Variants in SNAPC4 observed in about 807,000 individuals in gnomAD.
SNAPC4 encodes snRNA-activating protein complex subunit 4.
In SNAPC4, 127 loss-of-function variants were observed where a neutral mutation model predicts 151.3. The ratio of observed to expected loss-of-function variants is 0.84; its 90% CI spans 0.73 to 0.97. SNAPC4 has a LOEUF of 0.97. Ranked by LOEUF, SNAPC4 falls within the 50% of genes least tolerant of loss-of-function variation. The pLI, the probability that SNAPC4 is intolerant of heterozygous loss-of-function variation, is 0.00. For missense variants in SNAPC4, 2,186 were observed against 1,935.0 expected (o/e 1.13, Z -2.43); for synonymous variants, 1,002 against 824.4 (o/e 1.22, Z -3.69).
chr9:136,379,317 C>A lies in SNAPC4; in HGVS notation c.2528-18G>T, dbSNP rs757692945. The A allele has an allele frequency of 6.2e-7, 1 of 1,611,926 alleles. No individual in the cohort carries two copies. Among genetic ancestry groups the A allele is most frequent in the Non-Finnish European group, 8.5e-7 (1 of 1,179,682 alleles). On this transcript the variant is annotated intron_variant, in intron 21 of 23. Coordinates refer to ENST00000684778, the MANE Select transcript of SNAPC4 (RefSeq NM_003086.4). ...GAGGTGGCCTGTGGGGAGGAAAGAC[C>A]CACACTTGATAAGCCCCAGGCATCT... is the stretch of plus-strand genomic sequence containing the variant.
chr9:136,388,423 G>A (rs770659625), intron 11 of SNAPC4, 21 bp downstream of exon 11: 5 of 1,607,810 alleles, frequency 3.1e-6, no homozygotes, highest in African/African-American at 2.7e-5. Flanking sequence ...CCTGAGAGCC[G>A]TCGGGGTGGA....
chr9:136,378,353 G>A lies in SNAPC4; in HGVS notation c.3474C>T (p.His1158=), dbSNP rs140262570. The change falls in exon 22 of 24, where the codon CAC becomes CAT. Residue 1158 remains histidine (H), a synonymous_variant. Transcript: ENST00000684778. ...CRTDTPAPPT[H]ALSQSPAEAD... is the part of the protein sequence containing the mutation. ...CTTCTGCAGGACTTTGGGAGAGGGCGTGTGTGGGAGGAGCTGGGGTGTCTG... is the reference window on the plus strand; with the variant it reads ...CTTCTGCAGGACTTTGGGAGAGGGCATGTGTGGGAGGAGCTGGGGTGTCTG... The A allele has an allele frequency of 1.4e-3, 2,297 of 1,609,842 alleles. 6 individuals carry two copies. The highest frequency in any genetic ancestry group is 1.7e-3 in the Non-Finnish European group (1,950 of 1,178,832).
chr9:136,377,865 T>A lies in SNAPC4; in HGVS notation c.3962A>T (p.Lys1321Met). ...LRALSGLLLHKKALEHKATSL... is the reference protein window; with the variant it reads ...LRALSGLLLHMKALEHKATSL... ...GGTGGCCTTGTGCTCCAGGGCCTTC[T>A]TGTGGAGTAGGAGACCGGACAGAGC... Residue 1321 changes from lysine (K) to methionine (M), a missense_variant, in exon 22 of 24, where the codon AAG becomes ATG. Coordinates refer to ENST00000684778, the MANE Select transcript of SNAPC4 (RefSeq NM_003086.4). The A allele has an allele frequency of 1.2e-6, 2 of 1,611,520 alleles. No homozygotes were observed. Among genetic ancestry groups the A allele is most frequent in the East Asian group, 4.5e-5 (2 of 44,872 alleles).
Position 136,395,662 on chromosome 9 carries a change from C to T in SNAPC4, c.286G>A (p.Val96Ile), listed in dbSNP as rs1383928584. ...CLQLNMVYQE[V>I]IQEKLAEANL... ...GCCTCAGCCAGCTTCTCCTGGATGA[C>T]CTCCTGGTAGACCATGTTCAGCTGC... The change falls in exon 4 of 24, where the codon GTC becomes ATC. Residue 96 changes from valine to isoleucine, a missense_variant. Physicochemically the swap from Val to Ile is conservative, Grantham distance 29. Transcript: ENST00000684778. 6.2e-7 allele frequency: 1 copy of T among 1,613,122 alleles called. No individual in the cohort carries two copies. Among genetic ancestry groups the T allele is most frequent in the Non-Finnish European group, 8.5e-7 (1 of 1,179,994 alleles).
chr9:136,391,285 A>G (rs1012832683), intron 10 of SNAPC4, among the ~76,000 whole-genome samples: 4 of 152,216 alleles, frequency 2.6e-5, no homozygotes, highest in African/African-American at 9.7e-5. Flanking sequence ...AGTAAAATAT[A>G]TTTGAAAAAT....
chr9:136,382,067 GCT>G lies in SNAPC4; in HGVS notation c.2072_2073del (p.Glu691AlafsTer18). 2 of 1,585,736 alleles carry G rather than the reference GCT, an allele frequency of 1.3e-6. No homozygotes were observed. The highest frequency in any genetic ancestry group is 1.7e-6 in the Non-Finnish European group (2 of 1,166,222). ...GTGGGCAGGGGTGGCTGCCTCAGCT[GCT>G]CTTTCTGTAAGGAGAAGGCAGCACC... is the stretch of plus-strand genomic sequence containing the variant. ...NTAARSCTQK[E>X]QLRQPPLPTS... On this transcript the variant is annotated frameshift_variant, in exon 18 of 24. Coordinates refer to ENST00000684778, the MANE Select transcript of SNAPC4 (RefSeq NM_003086.4). LOFTEE classifies it high-confidence loss of function.
At chr9:136,379,699 C>T in intron 21 of SNAPC4, 138 bp downstream of exon 21, 2 of 821,450 alleles carry the variant, frequency 2.4e-6, no homozygotes, top group Non-Finnish European at 4.0e-6. Context: ...TGTGGTGGGA[C>T]TCGAGGGAGC....
chr9:136,384,151 C>A, intron 14 of SNAPC4, 119 bp from the exon 15 acceptor site: 2 of 734,446 alleles, frequency 2.7e-6, no homozygotes, highest in South Asian at 3.7e-5. Context: ...TGTGCACTCT[C>A]ACGCTGGGGG....
At chr9:136,388,719 C>G in intron 10 of SNAPC4, 128 bp from the exon 11 acceptor site, 1 of 1,031,478 alleles carries the variant, frequency 9.7e-7, no homozygotes, top group Non-Finnish European at 1.4e-6. Flanking sequence ...GACCCCAGCT[C>G]TCCTCCTCCC....
chr9:136,379,216 C>A lies in SNAPC4; in HGVS notation c.2611G>T (p.Val871Leu), dbSNP rs201158274. 1.9e-6 allele frequency: 3 copies of A among 1,611,728 alleles called. No homozygotes were observed. The highest frequency in any genetic ancestry group is 2.5e-6 in the Non-Finnish European group (3 of 1,179,640). The change falls in exon 22 of 24, where the codon GTG becomes TTG. Residue 871 changes from valine (V) to leucine (L), a missense_variant. Transcript: ENST00000684778. ...GACGCCTGGGGTAGGGTGCGCTCCA[C>A]CCGGCTGGACGCCAGTCTTCGGCTC... Reference protein sequence around the residue: ...KGSRRLASSRVERTLPQASLL... With the variant: ...KGSRRLASSRLERTLPQASLL...
intron 6 of SNAPC4, 67 bp downstream of exon 6, chr9:136,394,733 G>C: frequency 7.1e-7 from 1 of 1,402,484 alleles, no homozygotes; most frequent in Non-Finnish European, 1.0e-6. Context: ...GGAGAAACTG[G>C]GGAAAGGAGG....
At position 136,379,020 on chromosome 9, in the gene SNAPC4, G is replaced by T; in HGVS notation, c.2807C>A (p.Thr936Asn). The T allele has an allele frequency of 6.2e-7, 1 of 1,603,602 alleles. No individual in the cohort carries two copies. Among genetic ancestry groups the T allele is most frequent in the Non-Finnish European group, 8.5e-7 (1 of 1,176,076 alleles). The change falls in exon 22 of 24, where the codon ACC (threonine) becomes AAC (asparagine). Residue 936 changes from threonine to asparagine, a missense_variant. Transcript: ENST00000684778. ...SVILQPPLPH[T>N]PHGRPAPGPT... ...ACCCGGGGCTGGGCGGCCGTGTGGG[G>T]TGTGTGGTAGAGGGGGCTGGAGGAT...
chr9:136,396,280 G>A (rs1176239851), intron 3 of SNAPC4, among the ~76,000 whole-genome samples: 1 of 152,254 alleles, frequency 6.6e-6, no homozygotes, highest in Non-Finnish European at 1.5e-5. Context: ...ACGCAAACAT[G>A]AGGAAACTCA....
Position 136,383,137 on chromosome 9 carries a change from C to T in SNAPC4, c.1983+49G>A, listed in dbSNP as rs756069483. 32 of 1,506,510 alleles carry T rather than the reference C, an allele frequency of 2.1e-5. No homozygotes were observed. Among genetic ancestry groups the T allele is most frequent in the African/African-American group, 2.8e-5 (2 of 71,456 alleles). The allele number at this position is 1,506,510 out of a possible 1,614,324, so 93.3% of individuals were successfully genotyped here. A position where few individuals can be genotyped will look rare whatever the true frequency, so the allele number is the denominator to read the frequency against. Reference sequence around the variant, plus strand: ...ATCCCCAAGCGTCAGCCCTGGCGAGCGAGTGCCGAAAGTGCACTTCCCGTG... The same window carrying T: ...ATCCCCAAGCGTCAGCCCTGGCGAGTGAGTGCCGAAAGTGCACTTCCCGTG... On this transcript the variant is annotated intron_variant, in intron 16 of 23. Coordinates refer to ENST00000684778, the MANE Select transcript of SNAPC4 (RefSeq NM_003086.4). This position sits in a 1 kb window ranked among gnomAD's most constrained non-coding sequence, Gnocchi z 4.2.
rs925620148 is a variant in SNAPC4, at chr9:136,378,797, G to T, written c.3030C>A (p.Gly1010=). The T allele has an allele frequency of 1.3e-6, 2 of 1,573,786 alleles. No homozygotes were observed. The highest frequency in any genetic ancestry group is 1.3e-5 in the African/African-American group (1 of 74,076). Residue 1010 remains glycine, a synonymous_variant, in exon 22 of 24, where the codon GGC becomes GGA. Coordinates refer to ENST00000684778, the MANE Select transcript of SNAPC4 (RefSeq NM_003086.4). ...APAASQAPAL[G]PGQISVSCPE... ...GGCAGCTCACAGAGATCTGGCCGGG[G>T]CCCAGGGCAGGGGCTTGGGAAGCAG...
Position 136,378,680 on chromosome 9 carries a change from G to C in SNAPC4, c.3147C>G (p.Ser1049Arg), listed in dbSNP as rs1833566012. The C allele has an allele frequency of 3.3e-6, 5 of 1,500,082 alleles. No homozygotes were observed. In the East Asian group the frequency reaches 1.2e-4, roughly 36 times the overall value. The allele number at this position is 1,500,082 out of a possible 1,614,324, so 92.9% of individuals were successfully genotyped here. A position where few individuals can be genotyped will look rare whatever the true frequency, so the allele number is the denominator to read the frequency against. ...EAPPFLPAAP[S>R]PTPLPVQPLS... The stretch of plus-strand genomic sequence containing the variant: ...GGGGCTGGACGGGCAGTGGGGTGGG[G>C]CTGGGGGCTGCGGGGAGAAAGGGTG... The change falls in exon 22 of 24, where the codon AGC becomes AGG. Residue 1049 changes from serine (S) to arginine (R), a missense_variant. Coordinates refer to ENST00000684778, the MANE Select transcript of SNAPC4 (RefSeq NM_003086.4).
intron 11 of SNAPC4, among the ~76,000 whole-genome samples, chr9:136,388,191 C>T (rs1209817229): frequency 1.3e-5 from 2 of 149,522 alleles, no homozygotes; most frequent in Non-Finnish European, 3.0e-5. Context: ...CGCTTGAACC[C>T]GGGAGGCAGA....
At chr9:136,390,554 G>GAA (rs58732608) in intron 10 of SNAPC4, among the ~76,000 whole-genome samples, 914 of 48,420 alleles carry the variant, frequency 0.019, 25 homozygotes, top group East Asian at 0.04. Context: ...GACTCTGTTT[G>GAA]AAAAAAAAAA....
rs778317045 is a variant in SNAPC4 at position 136,379,263 on chromosome 9, G to A, written c.2564C>T (p.Ser855Leu). 5 of 1,612,626 alleles carry A rather than the reference G, an allele frequency of 3.1e-6. No individual in the cohort carries two copies. The Admixed American group carries it at 8.3e-5, about 27-fold the overall frequency. Residue 855 changes from serine to leucine, a missense_variant, in exon 22 of 24, where the codon TCA (serine) becomes TTA (leucine). Ser to Leu is a moderately radical substitution (Grantham distance 145). Coordinates refer to ENST00000684778, the MANE Select transcript of SNAPC4 (RefSeq NM_003086.4). The part of the protein sequence containing the change: ...LFPNVPAQEA[S>L]KSASHKGSRR... ...GCTCCCTTTGTGGCTGGCACTCTTT[G>A]AGGCTTCTTGAGCCGGCACGTTTGG...
Sources: allele counts gnomAD v4.1 joint callset (sites outside exome capture counted in the v4.1 genomes callset), GRCh38; gene constraint gnomAD v4.1.1; non-coding constraint Gnocchi (gnomAD v3.1); transcripts MANE v1.5; gene names NCBI Gene and HGNC (gene_info 2026-07-23, HGNC 2026-07-21).